SP110: variants seen among roughly 807,000 people sequenced by gnomAD.
The protein encoded by SP110 is interferon-induced protein 41, 30kD.
A neutral mutation model predicts 92.7 loss-of-function variants in SP110; 62 were observed. That is an observed-to-expected ratio of 0.67 (90% CI 0.55 to 0.83). SP110 has a LOEUF of 0.83. SP110 is among the 40% of genes least tolerant of loss of function. The probability of loss-of-function intolerance (pLI) is 0.00; values close to 1 mark genes in which losing one functional copy is unlikely to be tolerated. For missense variants in SP110, 793 were observed against 863.9 expected (o/e 0.92, Z 1.03); for synonymous variants, 273 against 305.3 (o/e 0.89, Z 1.10).
At chr2:230,188,243 T>A (rs558684061) in intron 10 of SP110, among the ~76,000 whole-genome samples, 2 of 152,228 alleles carry the variant, frequency 1.3e-5, no homozygotes, top group South Asian at 4.1e-4. Flanking sequence ...TATTTTATTT[T>A]GTTGAAGTTG....
intron 2 of SP110, among the ~76,000 whole-genome samples, 165 bp from the exon 3 acceptor site, chr2:230,215,283 C>T (rs546927318): frequency 6.6e-6 from 1 of 152,288 alleles, no homozygotes; most frequent in Non-Finnish European, 1.5e-5. Flanking sequence ...CACAGTTTTA[C>T]ATGCTTATTT....
At chr2:230,169,335 G>A in intron 18 of SP110, 98 bp from the exon 19 acceptor site, 1 of 763,194 alleles carries the variant, frequency 1.3e-6, no homozygotes, top group Non-Finnish European at 2.3e-6. Flanking sequence ...TTGAGTCAGG[G>A]TCTTTCCCCG....
Position 230,211,589 on chromosome 2 carries a change from A to T in SP110, c.668-36T>A. On this transcript the variant is annotated intron_variant, in intron 5 of 18. Transcript: ENST00000258381. This position sits in a 1 kb window ranked among gnomAD's most constrained non-coding sequence, Gnocchi z 4.2. ...GAAGAAAAAGTTTTAGATCTCAGGA[A>T]CAGCAAGCAGGGACCAGAATGAGGA... 8.0e-7 allele frequency: 1 copy of T among 1,249,738 alleles called. No individual in the cohort carries two copies. The highest frequency in any genetic ancestry group is 1.2e-6 in the Non-Finnish European group (1 of 847,220). 77.4% of individuals were successfully genotyped at this position (1,249,738 alleles called of 1,614,324 possible). A position where few individuals can be genotyped will look rare whatever the true frequency, so the allele number is the denominator to read the frequency against.
At chr2:230,192,263 T>C (rs1276688708) in intron 10 of SP110, among the ~76,000 whole-genome samples, 2 of 152,210 alleles carry the variant, frequency 1.3e-5, no homozygotes, top group Middle Eastern at 3.4e-3. Context: ...CTATTCAACA[T>C]AGTATTAGAA....
intron 14 of SP110, chr2:230,173,337 A>G (rs1242709139): frequency 6.5e-6 from 2 of 309,730 alleles, no homozygotes; most frequent in Non-Finnish European, 1.3e-5. Flanking sequence ...AGAAATGATG[A>G]TAACTGGCAT....
chr2:230,206,746 T>C (rs1212966529), intron 8 of SP110, among the ~76,000 whole-genome samples: 1 of 150,968 alleles, frequency 6.6e-6, no homozygotes, highest in East Asian at 2.0e-4. Context: ...CACAGAAATG[T>C]ATGCAATATA....
intron 14 of SP110, chr2:230,173,281 G>A: frequency 2.7e-6 from 1 of 366,082 alleles, no homozygotes; most frequent in Non-Finnish European, 5.4e-6. Context: ...GGGCGCATTT[G>A]CTGAGCCCAC....
intron 8 of SP110, among the ~76,000 whole-genome samples, chr2:230,204,619 A>C (rs1380087003): frequency 6.7e-6 from 1 of 149,246 alleles, no homozygotes; most frequent in East Asian, 2.0e-4. Flanking sequence ...TTTTTTCATT[A>C]AAAAAAAATT....
At chr2:230,223,815 A>T (rs1308729638), upstream of SP110, among the ~76,000 whole-genome samples, 3 of 152,224 alleles carry the variant, frequency 2.0e-5, no homozygotes, top group Non-Finnish European at 4.4e-5. Context: ...TAGCATGCTT[A>T]GCAAAATGAA....
chr2:230,201,008 C>T (rs2043129200), intron 9 of SP110, 43 bp from the exon 10 acceptor site: 3 of 1,457,920 alleles, frequency 2.1e-6, no homozygotes, highest in South Asian at 1.1e-5. Context: ...TGGGAAACAC[C>T]ATGGAGAATC....
chr2:230,198,631 G>A (rs1428711723), intron 10 of SP110, among the ~76,000 whole-genome samples: 1 of 152,062 alleles, frequency 6.6e-6, no homozygotes. Context: ...GTCTTGCTCT[G>A]TTGCCCAGGC....
intron 14 of SP110, among the ~76,000 whole-genome samples, chr2:230,177,187 C>G (rs2041903760): frequency 6.6e-6 from 1 of 152,114 alleles, no homozygotes; most frequent in South Asian, 2.1e-4. Context: ...TGCAGGGGGG[C>G]CAGATGAGCT....
chr2:230,179,367 CTT>C (rs1456258368), intron 12 of SP110, among the ~76,000 whole-genome samples: 1 of 151,780 alleles, frequency 6.6e-6, no homozygotes, highest in Admixed American at 6.6e-5. Flanking sequence ...GTGGGAAAAA[CTT>C]TGTTTCAACA....
chr2:230,208,113 T>C, intron 7 of SP110, 54 bp from the exon 8 acceptor site: 1 of 1,001,000 alleles, frequency 1.0e-6, no homozygotes. Context: ...CCCAATCTTG[T>C]ATGTCAATGA....
rs978159699 is a variant in SP110, at chr2:230,211,062, A to G, written c.751+408T>C. Among the ~76,000 whole-genome samples, 2 of 152,204 alleles carry G rather than the reference A, an allele frequency of 1.3e-5. No individual in the cohort carries two copies. The highest frequency in any genetic ancestry group is 2.9e-5 in the Non-Finnish European group (2 of 68,036). On this transcript the variant is annotated intron_variant, in intron 6 of 18. Coordinates refer to ENST00000258381, the MANE Select transcript of SP110 (RefSeq NM_080424.4). The surrounding 1 kb of genome is among the most constrained non-coding windows in gnomAD (Gnocchi z 4.2). Reference sequence around the variant, plus strand: ...CACTACTTTATTGAAGTGGCCTCAGAAGAGTGGCTCTGTCAAACAGTCCAG... The same window carrying G: ...CACTACTTTATTGAAGTGGCCTCAGGAGAGTGGCTCTGTCAAACAGTCCAG...
rs4624369 is a variant in SP110, at chr2:230,166,293, G to A, written c.*2831C>T. On this transcript the variant is annotated 3_prime_UTR_variant, in exon 19 of 19. Transcript: ENST00000258381. ...AACCAACAGAATATCTTCATAGCCT[G>A]AAAACCGTAAAGAAAGCAGATAATG... is the stretch of plus-strand genomic sequence containing the variant. Among the ~76,000 whole-genome samples, 100,267 of 151,642 alleles carry A rather than the reference G, an allele frequency of 0.66. 33,549 individuals are homozygous for A. The highest frequency in any genetic ancestry group is 0.72 in the Middle Eastern group (213 of 294).
chr2:230,204,399 G>A (rs979248660), intron 8 of SP110, among the ~76,000 whole-genome samples: 1 of 152,162 alleles, frequency 6.6e-6, no homozygotes, highest in South Asian at 2.1e-4. Context: ...GGTGTGCAGA[G>A]TACGTATGTC....
chr2:230,207,628 GCCTTGATTTTT>G (rs1415578081), intron 8 of SP110, among the ~76,000 whole-genome samples: 2 of 152,084 alleles, frequency 1.3e-5, no homozygotes, highest in Non-Finnish European at 2.9e-5. Context: ...TGAAGAGTGG[GCCTTGATTTTT>G]CTCTTTCTCA....
At chr2:230,175,771 C>A (rs1452208222) in intron 14 of SP110, among the ~76,000 whole-genome samples, 2 of 152,070 alleles carry the variant, frequency 1.3e-5, no homozygotes, top group Non-Finnish European at 1.5e-5. Context: ...TGTAGGGATG[C>A]CCTGTAGAGA....
Sources: allele counts gnomAD v4.1 joint callset (sites outside exome capture counted in the v4.1 genomes callset), GRCh38; gene constraint gnomAD v4.1.1; non-coding constraint Gnocchi (gnomAD v3.1); transcripts MANE v1.5; gene names NCBI Gene and HGNC (gene_info 2026-07-23, HGNC 2026-07-21).